DARS1: variants seen among roughly 807,000 people sequenced by gnomAD.
DARS1 encodes aspartyl-tRNA synthetase 1.
In DARS1, 51 loss-of-function variants were observed where a neutral mutation model predicts 68.8. The observed-to-expected ratio is 0.74, with a 90% confidence interval of 0.59 to 0.94. The LOEUF is 0.94. DARS1 is among the 40% of genes least tolerant of loss of function. The pLI, the probability that DARS1 is intolerant of heterozygous loss-of-function variation, is 0.00. For missense variants in DARS1, 607 were observed against 597.3 expected (o/e 1.02, Z -0.17); for synonymous variants, 203 against 190.4 (o/e 1.07, Z -0.55).
intron 15 of DARS1, 176 bp downstream of exon 15, chr2:135,910,963 A>T: frequency 2.0e-6 from 1 of 503,974 alleles, no homozygotes; most frequent in Non-Finnish European, 3.6e-6. Flanking sequence ...GAGAAAAAAA[A>T]TGGCTAGAAC....
intron 4 of DARS1, among the ~76,000 whole-genome samples, chr2:135,952,381 T>C (rs1681858127): frequency 6.6e-6 from 1 of 152,204 alleles, no homozygotes; most frequent in Non-Finnish European, 1.5e-5. Flanking sequence ...ATTTGGCATA[T>C]CTATCACCTC....
chr2:135,921,944 T>C (rs187470262), intron 9 of DARS1, among the ~76,000 whole-genome samples: 65 of 152,328 alleles, frequency 4.3e-4, no homozygotes, highest in Middle Eastern at 3.4e-3. Flanking sequence ...ATCTTGCCAG[T>C]TTCTCTATTA....
At chr2:135,967,309 T>C (rs530419663) in intron 3 of DARS1, among the ~76,000 whole-genome samples, 4 of 152,250 alleles carry the variant, frequency 2.6e-5, no homozygotes, top group Non-Finnish European at 4.4e-5. Context: ...TGTTCCTGCA[T>C]AGATTTAAGT....
rs191564715 is a variant in DARS1, at chr2:135,963,607, G to C, written c.218-2109C>G. ...GGCTGGTCTCGAACTCCTGACCTCA[G>C]GTGATCCACCCACCTCAGCCTCCCA... On this transcript the variant is annotated intron_variant, in intron 3 of 15. Transcript: ENST00000264161. Among the ~76,000 whole-genome samples the C allele has an allele frequency of 2.6e-3, 392 of 151,766 alleles. 1 individual carries two copies. Among genetic ancestry groups the C allele is most frequent in the African/African-American group, 8.7e-3 (360 of 41,410 alleles).
intron 5 of DARS1, chr2:135,943,081 G>A (rs1224249442): frequency 1.6e-5 from 4 of 246,014 alleles, no homozygotes; most frequent in Non-Finnish European, 3.1e-5. Flanking sequence ...TGCTGGATGA[G>A]AGGAAGCCAC....
At chr2:135,939,155 G>A (rs779768759) in intron 5 of DARS1, among the ~76,000 whole-genome samples, 31 of 152,192 alleles carry the variant, frequency 2.0e-4, no homozygotes, top group Admixed American at 7.2e-4. Context: ...TGCACCAAGC[G>A]GACCTAATAG....
intron 15 of DARS1, among the ~76,000 whole-genome samples, chr2:135,909,253 C>T (rs1387662246): frequency 6.6e-6 from 1 of 152,052 alleles, no homozygotes; most frequent in Admixed American, 6.6e-5. Flanking sequence ...TGTAACAAAC[C>T]TGCACATCCT....
chr2:135,907,261 T>TTTTTTTTTTTTTTTTTTTG lies in DARS1; in HGVS notation c.*54_*55insCAAAAAAAAAAAAAAAAAA. Reference sequence around the variant, plus strand: ...GGCTTTCTTTTTTTTTTTTTTTTTTTGAGGCAGGGTCTCGCTCTGTCATCC... The same window carrying TTTTTTTTTTTTTTTTTTTG: ...GGCTTTCTTTTTTTTTTTTTTTTTTTTTTTTTTTTTTTTTTTTTGGAGGCAGGGTCTCGCTCTGTCATCC... On this transcript the variant is annotated 3_prime_UTR_variant, in exon 16 of 16. Transcript: ENST00000264161. 3.4e-6 allele frequency: 3 copies of TTTTTTTTTTTTTTTTTTTG among 889,238 alleles called. No homozygotes were observed. The highest frequency in any genetic ancestry group is 3.3e-6 in the Non-Finnish European group (2 of 601,874). 55.1% of individuals were successfully genotyped at this position (889,238 alleles called of 1,614,324 possible).
intron 5 of DARS1, among the ~76,000 whole-genome samples, chr2:135,934,874 A>C (rs1681433200): frequency 6.7e-6 from 1 of 148,192 alleles, no homozygotes; most frequent in Admixed American, 6.8e-5. Flanking sequence ...GGCTCACTGC[A>C]ACCTCTGTCT....
chr2:135,970,479 T>C (rs1458768911), intron 3 of DARS1, among the ~76,000 whole-genome samples: 1 of 151,902 alleles, frequency 6.6e-6, no homozygotes, highest in Non-Finnish European at 1.5e-5. Flanking sequence ...TGGGATACAG[T>C]GAAAGCTGTA....
chr2:135,970,213 A>C (rs1396379492), intron 3 of DARS1, among the ~76,000 whole-genome samples: 1 of 145,210 alleles, frequency 6.9e-6, no homozygotes, highest in East Asian at 2.0e-4. Flanking sequence ...GTGAATAACC[A>C]CTGTACTCTA....
intron 9 of DARS1, among the ~76,000 whole-genome samples, chr2:135,920,928 A>C (rs993953442): frequency 1.3e-5 from 2 of 151,906 alleles, no homozygotes; most frequent in African/African-American, 4.8e-5. Flanking sequence ...AGTTCTTCTC[A>C]ATTTTATTAA....
intron 10 of DARS1, among the ~76,000 whole-genome samples, chr2:135,920,134 T>C (rs1281743725): frequency 6.6e-6 from 1 of 152,182 alleles, no homozygotes; most frequent in East Asian, 1.9e-4. Context: ...AAGAAACACA[T>C]GCTGTATTTC....
At chr2:135,932,961 T>C (rs562919793) in intron 6 of DARS1, 119 bp from the exon 7 acceptor site, 8 of 575,502 alleles carry the variant, frequency 1.4e-5, no homozygotes, top group African/African-American at 3.8e-5. Flanking sequence ...TACGTTAATA[T>C]TATGCCCGAA....
In DARS1 at chr2:135,978,142, C is replaced by CAAAAAAAAAAAAA. The variant is rs59505882; in HGVS notation, c.217+1119_217+1131dup. Reference sequence around the variant, plus strand: ...TGGGTGACAGAGCAAGACTCTGTCTCAAAAAAAAAAAAAAAAAAAAAAAGA... The same window carrying CAAAAAAAAAAAAA: ...TGGGTGACAGAGCAAGACTCTGTCTCAAAAAAAAAAAAAAAAAAAAAAAAAAAAAAAAAAAAGA... On this transcript the variant is annotated intron_variant, in intron 3 of 15. Transcript: ENST00000264161. Among the ~76,000 whole-genome samples, 165 of 54,716 alleles carry CAAAAAAAAAAAAA rather than the reference C, an allele frequency of 3.0e-3. 1 individual carries two copies. The highest frequency in any genetic ancestry group is 0.012 in the Middle Eastern group (1 of 82). 35.9% of individuals were successfully genotyped at this position (54,716 alleles called of 152,430 possible). A position where few individuals can be genotyped will look rare whatever the true frequency, so the allele number is the denominator to read the frequency against.
chr2:135,958,536 A>C (rs185218824), intron 4 of DARS1, among the ~76,000 whole-genome samples: 12 of 152,350 alleles, frequency 7.9e-5, no homozygotes, highest in African/African-American at 2.9e-4. Context: ...CCTACCAAGA[A>C]GGATCAGGAT....
chr2:135,963,408 G>A (rs990006713), intron 3 of DARS1, among the ~76,000 whole-genome samples: 1 of 143,662 alleles, frequency 7.0e-6, no homozygotes, highest in Non-Finnish European at 1.5e-5. Flanking sequence ...TTTTGCTCTT[G>A]TTGCCCAGGC....
chr2:135,945,378 T>C (rs1681698299), intron 4 of DARS1, among the ~76,000 whole-genome samples: 2 of 152,164 alleles, frequency 1.3e-5, no homozygotes, highest in Admixed American at 6.5e-5. Flanking sequence ...TCCACCCGTC[T>C]TGGCCTCCCA....
Position 135,912,508 on chromosome 2 carries a change from G to A in DARS1, c.1208C>T (p.Thr403Ile), listed in dbSNP as rs774264117. The change falls in exon 13 of 16, where the codon ACC becomes ATC. Residue 403 changes from threonine to isoleucine, a missense_variant. Coordinates refer to ENST00000264161, the MANE Select transcript of DARS1 (RefSeq NM_001349.4). ...TACGGGATTTCTTGGGTCAGGCATG[G>A]TATAGAAAGGTCTTACAGCCAATGG... is the stretch of plus-strand genomic sequence containing the variant. ...KYPLAVRPFY[T>I]MPDPRNPKQS... is the part of the protein sequence containing the mutation. 2 of 1,122,944 alleles carry A rather than the reference G, an allele frequency of 1.8e-6. No individual in the cohort carries two copies. The highest frequency in any genetic ancestry group is 1.3e-5 in the South Asian group (1 of 75,710). The allele number at this position is 1,122,944 out of a possible 1,614,324, so 69.6% of individuals were successfully genotyped here.
Sources: gnomAD v4.1 joint callset for allele counts (sites outside exome capture counted in the v4.1 genomes callset) on GRCh38, gnomAD v4.1.1 for gene constraint, MANE v1.5 for transcripts, NCBI Gene and HGNC (gene_info 2026-07-23, HGNC 2026-07-21) for gene names.